EPB41: variants seen among roughly 807,000 people sequenced by gnomAD.
The protein encoded by EPB41 is erythrocyte membrane protein band 4.1.
Under a neutral mutation model 108.0 loss-of-function variants are expected in EPB41, and 65 were observed. The ratio of observed to expected loss-of-function variants is 0.60; its 90% CI spans 0.49 to 0.74. The LOEUF is 0.74. EPB41 is among the 30% of genes least tolerant of loss of function. EPB41 has a pLI of 0.00. For synonymous variants in EPB41, 336 were observed against 358.9 expected (o/e 0.94, Z 0.72); for missense variants, 875 against 1,037.0 (o/e 0.84, Z 2.15).
chr1:29,025,648 T>C (rs2096709371), intron 7 of EPB41, among the ~76,000 whole-genome samples: 1 of 152,062 alleles, frequency 6.6e-6, no homozygotes, highest in Non-Finnish European at 1.5e-5. Context: ...CACAGATGTC[T>C]GTGGGTGGTG....
At chr1:29,102,768 A>G (rs1054041550) in intron 17 of EPB41, among the ~76,000 whole-genome samples, 26 of 150,980 alleles carry the variant, frequency 1.7e-4, no homozygotes, top group Non-Finnish European at 3.0e-5. Flanking sequence ...TTATATTCAT[A>G]TTTTTATTTT....
intron 16 of EPB41, among the ~76,000 whole-genome samples, chr1:29,080,758 G>A (rs904375163): frequency 2.0e-5 from 3 of 152,120 alleles, no homozygotes; most frequent in African/African-American, 7.2e-5. Flanking sequence ...GGCTCCTTTT[G>A]CTCTAATACT....
intron 10 of EPB41, among the ~76,000 whole-genome samples, chr1:29,038,724 A>G (rs1156678539): frequency 6.6e-6 from 1 of 152,238 alleles, no homozygotes; most frequent in African/African-American, 2.4e-5. Context: ...AAGAGTACAT[A>G]GAGTACCATA....
chr1:29,011,163 C>A (rs1226531304), intron 4 of EPB41, among the ~76,000 whole-genome samples: 2 of 149,692 alleles, frequency 1.3e-5, no homozygotes, highest in Non-Finnish European at 3.0e-5. Context: ...GAGTTTGAGA[C>A]CAGCCTAGCC....
At chr1:28,986,591 A>G (rs2095873349) in intron 1 of EPB41, among the ~76,000 whole-genome samples, 1 of 152,172 alleles carries the variant, frequency 6.6e-6, no homozygotes. Flanking sequence ...TGAGCTTTCA[A>G]AATCATGTTT....
intron 7 of EPB41, among the ~76,000 whole-genome samples, chr1:29,027,215 C>CAAGCCTTAAACTT (rs1558068324): frequency 6.6e-6 from 1 of 152,106 alleles, no homozygotes; most frequent in Non-Finnish European, 1.5e-5. Context: ...GATTGTAACT[C>CAAGCCTTAAACTT]ACTTACAGCC....
At position 28,942,920 on chromosome 1, in the gene EPB41, C is replaced by T. The variant is rs1382313404; in HGVS notation, c.-8+28152C>T. ...GGAAGTATGTGCCAGGACCAGAGAC[C>T]AAATATATATTTCTTACTGTATCAC... On this transcript the variant is annotated intron_variant, in intron 1 of 20. Coordinates refer to ENST00000343067, the MANE Select transcript of EPB41 (RefSeq NM_001376013.1). 3.3e-5 allele frequency among the ~76,000 whole-genome samples: 5 copies of T among 152,220 alleles called. No individual in the cohort carries two copies. The East Asian group carries it at 9.6e-4, about 29-fold the overall frequency.
chr1:29,053,590 C>T (rs1217047090), intron 12 of EPB41: 12 of 310,096 alleles, frequency 3.9e-5, no homozygotes, highest in Admixed American at 3.1e-4. Context: ...GATGGAGTCT[C>T]GCTCTGTCAC....
intron 1 of EPB41, among the ~76,000 whole-genome samples, chr1:28,950,485 A>G (rs2094673963): frequency 6.6e-6 from 1 of 152,252 alleles, no homozygotes; most frequent in South Asian, 2.1e-4. Context: ...TATTTTGAAG[A>G]GTAAAATGTA....
chr1:29,111,988 A>C (rs1393970970), intron 18 of EPB41, among the ~76,000 whole-genome samples: 2 of 152,140 alleles, frequency 1.3e-5, no homozygotes, highest in Non-Finnish European at 2.9e-5. Flanking sequence ...AAAAAAAAAA[A>C]AAACAAAGAT....
intron 1 of EPB41, among the ~76,000 whole-genome samples, chr1:28,954,413 A>G (rs980699022): frequency 6.6e-6 from 1 of 152,208 alleles, no homozygotes; most frequent in Non-Finnish European, 1.5e-5. Flanking sequence ...AATTGAAAAT[A>G]GTTTGGTTTG....
intron 16 of EPB41, among the ~76,000 whole-genome samples, chr1:29,091,526 A>G (rs2151413555): frequency 6.6e-6 from 1 of 152,348 alleles, no homozygotes; most frequent in Non-Finnish European, 1.5e-5. Flanking sequence ...CCCAGACCCT[A>G]GGACATTATA....
rs766136287 is a variant in EPB41, at chr1:29,112,420, C to T, written c.2468C>T (p.Thr823Ile). The change falls in exon 19 of 21, where the codon ACA becomes ATA. Residue 823 changes from threonine to isoleucine, a missense_variant. Physicochemically the swap from Thr to Ile is moderately conservative, Grantham distance 89 (BLOSUM62 -1). Around this residue, in one of 3 missense-constraint regions of EPB41, gnomAD observed 519 missense variants for 627.3 expected, o/e 0.83. Coordinates refer to ENST00000343067, the MANE Select transcript of EPB41 (RefSeq NM_001376013.1). The stretch of plus-strand genomic sequence containing the variant: ...CGTATTGAAAAGAGAATTGTGATCA[C>T]AGGAGATGCTGATATTGACCATGAT... ...ETRIEKRIVITGDADIDHDQV... is the reference protein window; with the variant it reads ...ETRIEKRIVIIGDADIDHDQV... 6.2e-7 allele frequency: 1 copy of T among 1,613,864 alleles called. No homozygotes were observed. Among genetic ancestry groups the T allele is most frequent in the East Asian group, 2.2e-5 (1 of 44,862 alleles).
chr1:29,029,094 CAG>C (rs2096757557), intron 7 of EPB41, among the ~76,000 whole-genome samples: 1 of 150,624 alleles, frequency 6.6e-6, no homozygotes, highest in African/African-American at 2.4e-5. Context: ...GTAACAACAA[CAG>C]AAACATAAAA....
At chr1:28,922,126 C>T (rs2093141815) in intron 1 of EPB41, among the ~76,000 whole-genome samples, 3 of 150,920 alleles carry the variant, frequency 2.0e-5, no homozygotes, top group African/African-American at 4.9e-5. Context: ...CGTGCCACCA[C>T]GCCTGGCTAA....
rs1663112655 is a variant in EPB41, at chr1:29,096,067, G to A, written c.2185-1740G>A. The A allele has an allele frequency of 2.0e-5, 16 of 803,966 alleles. No homozygotes were observed. The South Asian group carries it at 9.1e-4, about 46-fold the overall frequency. 49.8% of individuals were successfully genotyped at this position (803,966 alleles called of 1,614,324 possible). Reference sequence around the variant, plus strand: ...TTATATTAGTAGCAATATTTTTGAGGCTTCCAAAAATCATTGTTGATTCTC... The same window carrying A: ...TTATATTAGTAGCAATATTTTTGAGACTTCCAAAAATCATTGTTGATTCTC... On this transcript the variant is annotated intron_variant, in intron 16 of 20. Transcript: ENST00000343067.
chr1:28,914,824 C>A, intron 1 of EPB41, 56 bp downstream of exon 1: 1 of 152,412 alleles, frequency 6.6e-6, no homozygotes, highest in South Asian at 1.8e-4. Context: ...GTGGAGCTGT[C>A]CCCGTGGGGA....
rs1421318308 is a variant in EPB41 at position 29,018,196 on chromosome 1, A to T, written c.906-28A>T. The T allele has an allele frequency of 6.3e-7, 1 of 1,598,518 alleles. No homozygotes were observed. Among genetic ancestry groups the T allele is most frequent in the South Asian group, 1.1e-5 (1 of 90,694 alleles). ...TTATATTTTGTTGTTGTTGTTGCTG[A>T]CATAACATTTTTCTCTTTTGGCTGT... On this transcript the variant is annotated intron_variant, in intron 6 of 20. Transcript: ENST00000343067. This position sits in a 1 kb window ranked among gnomAD's most constrained non-coding sequence, Gnocchi z 4.4.
intron 16 of EPB41, among the ~76,000 whole-genome samples, chr1:29,082,403 C>T (rs1398795547): frequency 6.6e-6 from 1 of 152,166 alleles, no homozygotes; most frequent in Admixed American, 6.5e-5. Context: ...GGATTACAGG[C>T]GTGAGCCACT....
Sources: gnomAD v4.1 joint callset for allele counts (sites outside exome capture counted in the v4.1 genomes callset) on GRCh38, gnomAD v4.1.1 for gene constraint, gnomAD v4.1.1 regional missense constraint, Gnocchi (gnomAD v3.1) non-coding constraint, MANE v1.5 for transcripts, NCBI Gene and HGNC (gene_info 2026-07-23, HGNC 2026-07-21) for gene names.